Variants in KIF11 observed in about 807,000 individuals in gnomAD.
KIF11 encodes the protein kinesin-like protein KIF11.
In KIF11, 9 loss-of-function variants were observed where a neutral mutation model predicts 121.0. That is an observed-to-expected ratio of 0.07 (90% CI 0.04 to 0.13). The LOEUF (loss-of-function observed/expected upper bound fraction) is 0.13, where lower values mean the gene tolerates loss of function less well. Among genes scored for constraint, KIF11 ranks in the 10% least tolerant of loss-of-function variants. The pLI is 1.00. For missense variants in KIF11, 846 were observed against 1,217.5 expected (o/e 0.69, Z 4.54); for synonymous variants, 408 against 421.0 (o/e 0.97, Z 0.38).
rs1589595589 is a variant in KIF11 at position 92,616,814 on chromosome 10, C to CA, written c.1116dup (p.Ala373SerfsTer4). 1 of 1,587,332 alleles carries CA rather than the reference C, an allele frequency of 6.3e-7. No homozygotes were observed. The highest frequency in any genetic ancestry group is 8.6e-7 in the Non-Finnish European group (1 of 1,162,736). On this transcript the variant is annotated frameshift_variant, in exon 9 of 22. Transcript: ENST00000260731. LOFTEE classifies it high-confidence loss of function. The stretch of plus-strand genomic sequence containing the variant: ...AGCCTGAAGTGAATCAGAAACTCAC[C>CA]AAAAAAGCTCTTATTAAGGTAACTG...
At chr10:92,595,465 C>T (rs923328585) in intron 1 of KIF11, among the ~76,000 whole-genome samples, 10 of 152,042 alleles carry the variant, frequency 6.6e-5, no homozygotes, top group African/African-American at 2.4e-4. Context: ...CAGGTTTGAC[C>T]CACAGGTTAA....
chr10:92,648,108 C>CAAAACAAAAAAAAAAAAAAA (rs1844940363), intron 18 of KIF11, 104 bp from the exon 19 acceptor site: 1 of 625,102 alleles, frequency 1.6e-6, no homozygotes, highest in African/African-American at 2.6e-5. Context: ...GACTTGTCTC[C>CAAAACAAAAAAAAAAAAAAA]AAAAAAAAAA....
At chr10:92,644,493 A>G (rs1348729436) in intron 17 of KIF11, among the ~76,000 whole-genome samples, 1 of 152,014 alleles carries the variant, frequency 6.6e-6, no homozygotes, top group Non-Finnish European at 1.5e-5. Flanking sequence ...AATTTATTGT[A>G]TTTTTAATAG....
intron 21 of KIF11, 85 bp from the exon 22 acceptor site, chr10:92,653,580 C>A: frequency 7.6e-7 from 1 of 1,322,310 alleles, no homozygotes; most frequent in South Asian, 1.5e-5. Context: ...TGCCTATAAC[C>A]CAGAGAACTT....
At chr10:92,631,519 G>T (rs952399891) in intron 12 of KIF11, among the ~76,000 whole-genome samples, 11 of 147,370 alleles carry the variant, frequency 7.5e-5, no homozygotes, top group Non-Finnish European at 1.3e-4. Context: ...CCGCCACCGC[G>T]CCCGGCTAAT....
At position 92,606,246 on chromosome 10, in the gene KIF11, T is replaced by C. The variant is rs200980564; in HGVS notation, c.78-19T>C. 1.9e-5 allele frequency: 30 copies of C among 1,565,732 alleles called. No individual in the cohort carries two copies. The highest frequency in any genetic ancestry group is 1.6e-4 in the East Asian group (7 of 44,144). ...AGAACTAAGAGCTCTTGAATGACTTTGTGTATTTCTTTTTATAGACCATTT... is the reference window on the plus strand; with the variant it reads ...AGAACTAAGAGCTCTTGAATGACTTCGTGTATTTCTTTTTATAGACCATTT... On this transcript the variant is annotated intron_variant, in intron 1 of 21. Transcript: ENST00000260731.
intron 17 of KIF11, among the ~76,000 whole-genome samples, chr10:92,643,414 A>C (rs1406569581): frequency 6.6e-6 from 1 of 152,144 alleles, no homozygotes; most frequent in Non-Finnish European, 1.5e-5. Context: ...AAAGGACATT[A>C]TAATAGTATA....
At chr10:92,632,920 G>T (rs1180515172) in intron 13 of KIF11, among the ~76,000 whole-genome samples, 1 of 144,410 alleles carries the variant, frequency 6.9e-6, no homozygotes, top group African/African-American at 2.5e-5. Context: ...CATTTATTAA[G>T]TAACTAAGTA....
At chr10:92,646,080 T>G (rs1216764984) in intron 18 of KIF11, among the ~76,000 whole-genome samples, 1 of 151,252 alleles carries the variant, frequency 6.6e-6, no homozygotes, top group East Asian at 1.9e-4. Context: ...GCCTCTCGAG[T>G]AGTTGGGATT....
intron 19 of KIF11, among the ~76,000 whole-genome samples, chr10:92,649,117 ACT>A (rs557984477): frequency 1.1e-3 from 158 of 144,344 alleles, no homozygotes; most frequent in African/African-American, 3.1e-3. Flanking sequence ...ATATCACAAA[ACT>A]CTTTTTTTTT....
At chr10:92,616,039 A>G (rs986997780) in intron 8 of KIF11, among the ~76,000 whole-genome samples, 1 of 151,804 alleles carries the variant, frequency 6.6e-6, no homozygotes, top group East Asian at 1.9e-4. Flanking sequence ...GGGTTTCACC[A>G]TGTTGGCCAG....
chr10:92,643,448 G>C (rs1844887128), intron 17 of KIF11, among the ~76,000 whole-genome samples: 1 of 150,892 alleles, frequency 6.6e-6, no homozygotes, highest in Admixed American at 6.6e-5. Context: ...TTTCCCGTTT[G>C]TCATTATTTT....
chr10:92,603,263 C>CTTTTTT lies in KIF11; in HGVS notation c.78-2988_78-2983dup, dbSNP rs368046931. On this transcript the variant is annotated intron_variant, in intron 1 of 21. Transcript: ENST00000260731. ...CCCTTAAACTGCTTTCTTTTCTTTTCTTTTTTTTTTTTTTTTTTTGAGACA... is the reference window on the plus strand; with the variant it reads ...CCCTTAAACTGCTTTCTTTTCTTTTCTTTTTTTTTTTTTTTTTTTTTTTTTGAGACA... 9.8e-4 allele frequency among the ~76,000 whole-genome samples: 107 copies of CTTTTTT among 109,150 alleles called. 6 individuals are homozygous for CTTTTTT. Among genetic ancestry groups the CTTTTTT allele is most frequent in the Non-Finnish European group, 1.2e-3 (69 of 57,412 alleles). 71.6% of individuals were successfully genotyped at this position (109,150 alleles called of 152,430 possible).
In KIF11 at chr10:92,630,879, A is replaced by AG. The variant is rs912192509; in HGVS notation, c.1494+515_1494+516insG. On this transcript the variant is annotated intron_variant, in intron 12 of 21. Transcript: ENST00000260731. ...CGAAACTCCGTCTCAAAAAAAAAAA[A>AG]AAAAAAGAAAATAGAACATAACTTT... 2.4e-3 allele frequency among the ~76,000 whole-genome samples: 366 copies of AG among 151,104 alleles called. 1 individual carries two copies. The highest frequency in any genetic ancestry group is 8.5e-3 in the African/African-American group (350 of 41,224).
At position 92,632,572 on chromosome 10, in the gene KIF11, T is replaced by C. The variant is rs776847498; in HGVS notation, c.1581T>C (p.Asn527=). ...LDRKKAVDQH[N]AEAQDIFGKN... is the part of the protein sequence containing the mutation. ...GTAAGAAGGCAGTTGACCAACACAA[T>C]GCAGAAGCTCAGGATATTTTTGGCA... The change falls in exon 13 of 22, where the codon AAT becomes AAC. Residue 527 remains asparagine, a synonymous_variant. Coordinates refer to ENST00000260731, the MANE Select transcript of KIF11 (RefSeq NM_004523.4). 36 of 1,613,490 alleles carry C rather than the reference T, an allele frequency of 2.2e-5. No homozygotes were observed. Among genetic ancestry groups the C allele is most frequent in the South Asian group, 2.0e-4 (18 of 91,066 alleles).
rs778235416 is a variant in KIF11, at chr10:92,645,530, C to T, written c.2435C>T (p.Ser812Phe). ...DKLNGNLEKI[S>F]QETEQRCESL... ...CTCAATGGCAACCTGGAAAAAATATCTCAAGAGACTGAACAGAGATGTGAA... is the reference window on the plus strand; with the variant it reads ...CTCAATGGCAACCTGGAAAAAATATTTCAAGAGACTGAACAGAGATGTGAA... The change falls in exon 18 of 22, where the codon TCT becomes TTT. Residue 812 changes from serine (S) to phenylalanine (F), a missense_variant. Physicochemically the swap from Ser to Phe is radical, Grantham distance 155. Transcript: ENST00000260731. The T allele has an allele frequency of 2.5e-6, 4 of 1,613,682 alleles. No individual in the cohort carries two copies. Among genetic ancestry groups the T allele is most frequent in the Non-Finnish European group, 3.4e-6 (4 of 1,179,726 alleles).
intron 6 of KIF11, among the ~76,000 whole-genome samples, chr10:92,612,072 C>G (rs537637892): frequency 6.9e-6 from 1 of 144,244 alleles, no homozygotes; most frequent in Non-Finnish European, 1.5e-5. Context: ...AATTTTTTTT[C>G]CCCCTAAGAT....
chr10:92,601,304 G>A (rs924459513), intron 1 of KIF11, among the ~76,000 whole-genome samples: 2 of 151,790 alleles, frequency 1.3e-5, no homozygotes, highest in Admixed American at 6.6e-5. Flanking sequence ...GGGTTCAAAC[G>A]ATTCTCCTGC....
intron 17 of KIF11, 35 bp from the exon 18 acceptor site, chr10:92,645,328 C>T (rs1844906977): frequency 6.7e-7 from 1 of 1,497,414 alleles, no homozygotes; most frequent in Non-Finnish European, 9.1e-7. Flanking sequence ...AGTCTTAATT[C>T]CCCATTTCAA....
Sources: allele counts gnomAD v4.1 joint callset (sites outside exome capture counted in the v4.1 genomes callset), GRCh38; gene constraint gnomAD v4.1.1; transcripts MANE v1.5; gene names NCBI Gene and HGNC (gene_info 2026-07-23, HGNC 2026-07-21).